PRDM1: variants seen among roughly 807,000 people sequenced by gnomAD.
PRDM1 encodes PR domain zinc finger protein 1.
In PRDM1, 13 loss-of-function variants were observed where a neutral mutation model predicts 62.8. The ratio of observed to expected loss-of-function variants is 0.21; its 90% CI spans 0.13 to 0.33. The LOEUF (loss-of-function observed/expected upper bound fraction) is 0.33. PRDM1 is among the 10% of genes least tolerant of loss of function. The pLI is 1.00. For missense variants in PRDM1, 895 were observed against 1,058.8 expected (o/e 0.85, Z 2.15); for synonymous variants, 396 against 417.6 (o/e 0.95, Z 0.63).
At chr6:106,062,455 C>T (rs764237010) in intron 1 of PRDM1, among the ~76,000 whole-genome samples, 32 of 152,090 alleles carry the variant, frequency 2.1e-4, no homozygotes, top group Non-Finnish European at 3.8e-4. Flanking sequence ...GATGTATTTC[C>T]AGTGCTCCAG....
intron 1 of PRDM1, among the ~76,000 whole-genome samples, chr6:106,031,656 C>A (rs1772845839): frequency 6.6e-6 from 1 of 152,126 alleles, no homozygotes; most frequent in Admixed American, 6.6e-5. Context: ...GAATGCCAGG[C>A]AATGGGGACA....
chr6:106,090,347 T>C (rs9384600), intron 2 of PRDM1, among the ~76,000 whole-genome samples: 7,422 of 152,302 alleles, frequency 0.049, 249 homozygotes, highest in African/African-American at 0.086. Flanking sequence ...CCTTCGAAAC[T>C]AACCTAAGAG....
chr6:106,098,662 G>T, intron 3 of PRDM1: 1 of 1,348,582 alleles, frequency 7.4e-7, no homozygotes, highest in Non-Finnish European at 9.8e-7. Context: ...CTGCCCGAGT[G>T]TTCGCTTTGT....
intron 1 of PRDM1, among the ~76,000 whole-genome samples, chr6:106,006,338 T>A (rs1772481779): frequency 6.6e-6 from 1 of 152,214 alleles, no homozygotes. Context: ...ACTTTCGTAG[T>A]AAGGAGGAAA....
At chr6:106,097,251 AAAGGTC>A (rs1774137509) in intron 3 of PRDM1, among the ~76,000 whole-genome samples, 1 of 152,262 alleles carries the variant, frequency 6.6e-6, no homozygotes, top group Non-Finnish European at 1.5e-5. Context: ...TCTTGGAGTT[AAAGGTC>A]TGAATTAAGA....
chr6:106,046,019 C>T (rs1413508963), upstream of PRDM1: 1 of 151,414 alleles, frequency 6.6e-6, no homozygotes, highest in East Asian at 1.9e-4. Flanking sequence ...TTGAGCAAGA[C>T]AAAAATGTCA....
At chr6:106,103,429 A>G (rs1173815846) in intron 4 of PRDM1, among the ~76,000 whole-genome samples, 1 of 152,210 alleles carries the variant, frequency 6.6e-6, no homozygotes. Flanking sequence ...AGGCTTCAGC[A>G]TGATCCCCCA....
upstream of PRDM1, among the ~76,000 whole-genome samples, chr6:106,081,764 C>G (rs959454169): frequency 6.6e-6 from 1 of 152,182 alleles, no homozygotes; most frequent in African/African-American, 2.4e-5. Context: ...ATAAAATCAC[C>G]TGTGTCCTTT....
At chr6:106,066,588 G>A (rs569469285) in intron 1 of PRDM1, among the ~76,000 whole-genome samples, 2 of 152,068 alleles carry the variant, frequency 1.3e-5, no homozygotes, top group East Asian at 3.9e-4. Flanking sequence ...ATTCAGAAAG[G>A]GCATTCTTCT....
intron 1 of PRDM1, among the ~76,000 whole-genome samples, chr6:106,080,762 G>A (rs1358168146): frequency 6.6e-6 from 1 of 152,194 alleles, no homozygotes; most frequent in Non-Finnish European, 1.5e-5. Flanking sequence ...GGCAGTGCCT[G>A]TTCTCTTCAA....
intron 3 of PRDM1, chr6:106,098,827 G>A (rs760623892): frequency 5.8e-5 from 88 of 1,524,946 alleles, no homozygotes; most frequent in Middle Eastern, 1.7e-4. Context: ...TGTAGGAAAC[G>A]GCGAGTACAG....
At chr6:106,104,205 G>GTTTTTTTTTTTTTTTTTTTTTTTT (rs11317538) in intron 4 of PRDM1, among the ~76,000 whole-genome samples, 3 of 141,842 alleles carry the variant, frequency 2.1e-5, no homozygotes, top group African/African-American at 2.6e-5. Context: ...TAAAATGGAA[G>GTTTTTTTTTTTTTTTTTTTTTTTT]TTTTTTTTTT....
chr6:106,107,623 T>A lies in PRDM1; in HGVS notation c.*137T>A. 1 of 665,872 alleles carries A rather than the reference T, an allele frequency of 1.5e-6. No individual in the cohort carries two copies. Among genetic ancestry groups the A allele is most frequent in the Non-Finnish European group, 2.3e-6 (1 of 438,198 alleles). 41.2% of individuals were successfully genotyped at this position (665,872 alleles called of 1,614,324 possible). ...AATGGTTTCCCCTCACCTCTGGAAT[T>A]AAAGAAGGAACTCCAAAGTTACTGA... On this transcript the variant is annotated 3_prime_UTR_variant, in exon 7 of 7. Coordinates refer to ENST00000369096, the MANE Select transcript of PRDM1 (RefSeq NM_001198.4).
At chr6:106,095,811 T>C in intron 3 of PRDM1, 77 bp downstream of exon 3, 1 of 1,507,578 alleles carries the variant, frequency 6.6e-7, no homozygotes, top group Non-Finnish European at 9.1e-7. Context: ...GGCTCACCTT[T>C]CTCATCCTGT....
intron 2 of PRDM1, 39 bp downstream of exon 2, chr6:106,088,488 G>C (rs368467174): frequency 1.9e-6 from 3 of 1,612,368 alleles, no homozygotes; most frequent in Non-Finnish European, 1.7e-6. Flanking sequence ...TTGGGGACCT[G>C]GTGCCAAATC....
chr6:106,027,774 C>T (rs1297032610), intron 1 of PRDM1, among the ~76,000 whole-genome samples: 1 of 152,188 alleles, frequency 6.6e-6, no homozygotes. Flanking sequence ...GGGGCAAAAA[C>T]CCTCTGTTTG....
intron 1 of PRDM1, among the ~76,000 whole-genome samples, chr6:106,056,234 C>T (rs1270893451): frequency 1.3e-5 from 2 of 152,158 alleles, no homozygotes; most frequent in African/African-American, 2.4e-5. Flanking sequence ...CTCTGTTGTC[C>T]TGCAAGTGAG....
At position 106,105,798 on chromosome 6, in the gene PRDM1, C is replaced by A; in HGVS notation, c.1638C>A (p.Ala546=). The change falls in exon 5 of 7, where the codon GCC becomes GCA. Residue 546 remains alanine (A), a synonymous_variant. Transcript: ENST00000369096. ...AAMAAPSSDE[A]MNLIKNKRNM... ...TGGCAGCCCCCAGCAGCGACGAAGC[C>A]ATGAATCTCATTAAAAACAAAAGAA... 1 of 1,614,220 alleles carries A rather than the reference C, an allele frequency of 6.2e-7. No individual in the cohort carries two copies. The highest frequency in any genetic ancestry group is 1.7e-5 in the Admixed American group (1 of 60,030).
At chr6:106,015,261 T>A (rs796222524) in intron 1 of PRDM1, among the ~76,000 whole-genome samples, 1 of 152,252 alleles carries the variant, frequency 6.6e-6, no homozygotes, top group South Asian at 2.1e-4. Flanking sequence ...AGTTAAAATT[T>A]CTTTTCTCTC....
Sources: allele counts gnomAD v4.1 joint callset (sites outside exome capture counted in the v4.1 genomes callset), GRCh38; gene constraint gnomAD v4.1.1; transcripts MANE v1.5; gene names NCBI Gene and HGNC (gene_info 2026-07-23, HGNC 2026-07-21).